SCN2A: variants seen among roughly 807,000 people sequenced by gnomAD.
SCN2A encodes sodium channel protein type 2 subunit alpha.
A neutral mutation model predicts 188.7 loss-of-function variants in SCN2A; 20 were observed. The observed-to-expected ratio is 0.11, with a 90% CI of 0.07 to 0.15. SCN2A has a LOEUF of 0.15. Among genes scored for constraint, SCN2A ranks in the 10% least tolerant of loss-of-function variants. The probability of loss-of-function intolerance (pLI) is 1.00; values close to 1 mark genes in which losing one functional copy is unlikely to be tolerated. For missense variants in SCN2A, 1,278 were observed against 2,445.0 expected, an observed-to-expected ratio of 0.52 and a Z score of 10.07; for synonymous variants, 804 against 833.1, an observed-to-expected ratio of 0.97 and a Z score of 0.60.
intron 1 of SCN2A, among the ~76,000 whole-genome samples, chr2:165,252,372 A>G (rs867211369): frequency 3.7e-4 from 56 of 152,208 alleles, no homozygotes; most frequent in Middle Eastern, 6.8e-3. Flanking sequence ...TCTGCTGTCT[A>G]TCCTCATGTT....
At chr2:165,355,262 C>A (rs1700122348) in intron 17 of SCN2A, among the ~76,000 whole-genome samples, 1 of 152,080 alleles carries the variant, frequency 6.6e-6, no homozygotes, top group Admixed American at 6.5e-5. Context: ...ACATATTTAA[C>A]CCTACTGAGC....
At chr2:165,351,762 G>A (rs1699928995) in intron 16 of SCN2A, among the ~76,000 whole-genome samples, 2 of 151,880 alleles carry the variant, frequency 1.3e-5, no homozygotes, top group Non-Finnish European at 2.9e-5. Flanking sequence ...TAAAAAGCTG[G>A]TTTTACTTTT....
At chr2:165,356,406 A>G (rs141110627) in intron 17 of SCN2A, among the ~76,000 whole-genome samples, 1 of 152,166 alleles carries the variant, frequency 6.6e-6, no homozygotes, top group Non-Finnish European at 1.5e-5. Context: ...GGAAGGGTGG[A>G]GTGGCCCAAT....
intron 1 of SCN2A, chr2:165,266,695 T>C (rs1265174342): frequency 1.3e-5 from 2 of 152,100 alleles, no homozygotes; most frequent in South Asian, 2.1e-4. Flanking sequence ...TTTTATCTTA[T>C]ATCCTACCGT....
chr2:165,388,504 T>A (rs966392116), intron 26 of SCN2A, 125 bp from the exon 27 acceptor site: 7 of 1,295,522 alleles, frequency 5.4e-6, no homozygotes, highest in Non-Finnish European at 7.5e-6. Flanking sequence ...CATTGCAGAT[T>A]ATTTGCATAT....
chr2:165,287,932 T>G (rs1033771587), intron 1 of SCN2A, among the ~76,000 whole-genome samples: 1 of 152,242 alleles, frequency 6.6e-6, no homozygotes, highest in African/African-American at 2.4e-5. Context: ...TCTTAAGAGA[T>G]AAAATTTATT....
intron 11 of SCN2A, among the ~76,000 whole-genome samples, chr2:165,321,348 G>T (rs1698066453): frequency 6.6e-6 from 1 of 152,120 alleles, no homozygotes; most frequent in Non-Finnish European, 1.5e-5. Flanking sequence ...ATTTTCCTGT[G>T]TTCTTCCGAG....
At chr2:165,252,150 A>G (rs990874122) in intron 1 of SCN2A, among the ~76,000 whole-genome samples, 15 of 152,090 alleles carry the variant, frequency 9.9e-5, no homozygotes, top group African/African-American at 3.6e-4. Flanking sequence ...AATAGAAGCA[A>G]GTCAGGAAAA....
chr2:165,345,399 AC>A (rs1224305583), intron 16 of SCN2A, among the ~76,000 whole-genome samples: 1 of 151,794 alleles, frequency 6.6e-6, no homozygotes, highest in African/African-American at 2.4e-5. Context: ...AAAATTAACC[AC>A]CCCTAACACC....
intron 11 of SCN2A, 151 bp downstream of exon 11, chr2:165,315,909 G>T: frequency 2.0e-6 from 2 of 976,362 alleles, no homozygotes; most frequent in Admixed American, 2.9e-5. Flanking sequence ...TCACTTCAGA[G>T]AATTTGTGAG....
intron 14 of SCN2A, among the ~76,000 whole-genome samples, chr2:165,334,404 T>C (rs74630405): frequency 0.01 from 1,520 of 151,856 alleles, 17 homozygotes; most frequent in African/African-American, 0.034. Flanking sequence ...AGAAGCCAAA[T>C]CACATAACAT....
At chr2:165,370,920 A>G (rs532926830) in intron 20 of SCN2A, 14 of 153,822 alleles carry the variant, frequency 9.1e-5, no homozygotes, top group African/African-American at 2.9e-4. Flanking sequence ...TATTAAATGT[A>G]TAAAGGTTAC....
At chr2:165,296,889 G>T (rs1374678670) in intron 2 of SCN2A, 128 bp from the exon 3 acceptor site, 2 of 573,234 alleles carry the variant, frequency 3.5e-6, no homozygotes, top group Non-Finnish European at 6.3e-6. Flanking sequence ...CATGTCATAT[G>T]ATGGTAATTA....
At chr2:165,265,692 G>T (rs1694828769) in intron 1 of SCN2A, among the ~76,000 whole-genome samples, 1 of 149,832 alleles carries the variant, frequency 6.7e-6, no homozygotes. Flanking sequence ...TATACTGTTT[G>T]CCTGAAACAA....
At chr2:165,361,676 C>T (rs1200802645) in intron 17 of SCN2A, among the ~76,000 whole-genome samples, 6 of 152,004 alleles carry the variant, frequency 3.9e-5, no homozygotes, top group African/African-American at 4.8e-5. Flanking sequence ...TGTGCTGCTC[C>T]GCTTCAGAAG....
At chr2:165,361,926 A>T (rs540042699) in intron 17 of SCN2A, among the ~76,000 whole-genome samples, 24 of 152,174 alleles carry the variant, frequency 1.6e-4, no homozygotes, top group African/African-American at 5.8e-4. Flanking sequence ...TTGCCCACAC[A>T]ATTCAGAATC....
Position 165,310,542 on chromosome 2 carries a change from C to A in SCN2A, c.917C>A (p.Thr306Asn), listed in dbSNP as rs1697371838. 6.2e-7 allele frequency: 1 copy of A among 1,612,796 alleles called. No individual in the cohort carries two copies. Among genetic ancestry groups the A allele is most frequent in the Non-Finnish European group, 8.5e-7 (1 of 1,179,034 alleles). Residue 306 changes from threonine to asparagine, a missense_variant, in exon 7 of 27, where the codon ACT becomes AAT. Thr to Asn is a moderately conservative substitution (Grantham distance 65). Transcript: ENST00000375437. ...FNNSLDGNGT[T>N]FNRTVSIFNW... ...AATTCATTGGATGGGAATGGTACTACTTTCAATAGGACAGTGAGCATATTT... is the reference window on the plus strand; with the variant it reads ...AATTCATTGGATGGGAATGGTACTAATTTCAATAGGACAGTGAGCATATTT...
chr2:165,244,969 T>TG (rs35982715), intron 1 of SCN2A, among the ~76,000 whole-genome samples: 59,629 of 151,842 alleles, frequency 0.39, 11,770 homozygotes, highest in Middle Eastern at 0.52. Flanking sequence ...TGAAATATCA[T>TG]GAAAAAAAGA....
chr2:165,374,612 T>C, intron 21 of SCN2A, 73 bp from the exon 22 acceptor site: 1 of 1,510,572 alleles, frequency 6.6e-7, no homozygotes, highest in South Asian at 1.1e-5. Context: ...GACTGTTCTT[T>C]TAATAATGTT....
Sources: allele counts gnomAD v4.1 joint callset (sites outside exome capture counted in the v4.1 genomes callset), GRCh38; gene constraint gnomAD v4.1.1; transcripts MANE v1.5; gene names NCBI Gene and HGNC (gene_info 2026-07-23, HGNC 2026-07-21).